WDFY4: variants seen among roughly 807,000 people sequenced by gnomAD.
WDFY4 encodes the protein WD repeat- and FYVE domain-containing protein 4.
Under a neutral mutation model 351.9 loss-of-function variants are expected in WDFY4, and 169 were observed. The observed-to-expected ratio is 0.48, with a 90% confidence interval of 0.42 to 0.55. WDFY4 has a LOEUF of 0.55. WDFY4 is among the 20% of genes least tolerant of loss of function. The probability of loss-of-function intolerance (pLI) is 0.00; values close to 1 mark genes in which losing one functional copy is unlikely to be tolerated. For synonymous variants in WDFY4, 1,622 were observed against 1,574.6 expected (o/e 1.03, Z -0.71); for missense variants, 3,803 against 3,935.6 (o/e 0.97, Z 0.90).
chr10:48,778,111 C>T (rs1484410057), intron 17 of WDFY4, among the ~76,000 whole-genome samples: 1 of 152,130 alleles, frequency 6.6e-6, no homozygotes, highest in African/African-American at 2.4e-5. Context: ...GAGCCACACG[C>T]TCTGTTAGGA....
chr10:48,857,883 C>A (rs1157572434), intron 39 of WDFY4, among the ~76,000 whole-genome samples: 3 of 152,020 alleles, frequency 2.0e-5, no homozygotes, highest in Non-Finnish European at 4.4e-5. Context: ...ACCTCCACTG[C>A]CAGGTACAAG....
intron 1 of WDFY4, among the ~76,000 whole-genome samples, chr10:48,689,564 T>C (rs150927080): frequency 7.4e-4 from 113 of 152,364 alleles, no homozygotes; most frequent in African/African-American, 2.5e-3. Context: ...TATTTTTATT[T>C]TTAAAATGTG....
In WDFY4 at chr10:48,709,826, C is replaced by T. The variant is rs2063723320; in HGVS notation, c.94C>T (p.Pro32Ser). The change falls in exon 2 of 62, where the codon CCA (proline) becomes TCA (serine). Residue 32 changes from proline to serine, a missense_variant. By Grantham distance (74) the Pro-to-Ser change is moderately conservative (BLOSUM62 -1). This residue lies in a region of WDFY4 where 488 missense variants were observed against 456.8 expected (regional missense o/e 1.07). Coordinates refer to ENST00000325239, the MANE Select transcript of WDFY4 (RefSeq NM_001394531.1). ...GQLAAVQPDVPHGGQSSSPTA... is the reference protein window; with the variant it reads ...GQLAAVQPDVSHGGQSSSPTA... The stretch of plus-strand genomic sequence containing the variant: ...GCTTGCTGCTGTGCAGCCTGATGTC[C>T]CACATGGAGGGCAGTCCTCCAGCCC... 3.2e-6 allele frequency: 5 copies of T among 1,551,750 alleles called. No individual in the cohort carries two copies. In the South Asian group the frequency reaches 5.9e-5, roughly 18 times the overall value.
intron 41 of WDFY4, among the ~76,000 whole-genome samples, chr10:48,874,431 A>AT (rs958931276): frequency 1.3e-5 from 2 of 152,106 alleles, no homozygotes; most frequent in Admixed American, 1.3e-4. Flanking sequence ...AGAATGCTGG[A>AT]TTTTTTTCTT....
chr10:48,877,236 AAGTT>A (rs745533654), intron 43 of WDFY4, 37 bp downstream of exon 43: 1 of 1,527,932 alleles, frequency 6.5e-7, no homozygotes. Flanking sequence ...TAAGATTTTT[AAGTT>A]AGTTGTTAAG....
intron 38 of WDFY4, among the ~76,000 whole-genome samples, chr10:48,831,793 T>A (rs2068197376): frequency 6.6e-6 from 1 of 152,258 alleles, no homozygotes; most frequent in South Asian, 2.1e-4. Flanking sequence ...ACCTTGTTGC[T>A]ATATCCTCTG....
At chr10:48,709,004 AACAC>A (rs1447320001) in intron 1 of WDFY4, among the ~76,000 whole-genome samples, 4 of 131,492 alleles carry the variant, frequency 3.0e-5, no homozygotes, top group Admixed American at 1.5e-4. Flanking sequence ...ACAAACAAAC[AACAC>A]CCCCCCCCCC....
Position 48,943,440 on chromosome 10 carries a change from C to T in WDFY4, c.7740C>T (p.Tyr2580=). The T allele has an allele frequency of 1.3e-6, 2 of 1,551,850 alleles. No individual in the cohort carries two copies. Among genetic ancestry groups the T allele is most frequent in the Non-Finnish European group, 8.7e-7 (1 of 1,146,982 alleles). ...YPVFPWVLAD[Y]TSETLNLANP... ...TGTTCCCCTGGGTCCTCGCAGACTA[C>T]ACCTCAGAGGTAAGTTCCTCACGTG... The change falls in exon 49 of 62, where the codon TAC becomes TAT. Residue 2580 remains tyrosine (Y), a synonymous_variant. Transcript: ENST00000325239.
intron 36 of WDFY4, among the ~76,000 whole-genome samples, chr10:48,828,559 A>G (rs184499001): frequency 6.6e-6 from 1 of 152,230 alleles, no homozygotes; most frequent in African/African-American, 2.4e-5. Flanking sequence ...AAGACTTCTC[A>G]TAAGGAGAAA....
chr10:48,910,051 G>A (rs1564472321), intron 47 of WDFY4: 1 of 574,442 alleles, frequency 1.7e-6, no homozygotes, highest in East Asian at 2.8e-5. Flanking sequence ...TTCACACACA[G>A]GTGGGCTAAA....
rs980488084 is a variant in WDFY4, at chr10:48,774,551, C to A, written c.2647C>A (p.Leu883Ile). The A allele has an allele frequency of 5.2e-6, 8 of 1,551,470 alleles. No homozygotes were observed. The highest frequency in any genetic ancestry group is 1.4e-5 in the African/African-American group (1 of 73,056). The change falls in exon 14 of 62, where the codon CTT becomes ATT. Residue 883 changes from leucine (L) to isoleucine (I), a missense_variant. Physicochemically the swap from Leu to Ile is conservative, Grantham distance 5. This residue lies in a region of WDFY4 where 3,054 missense variants were observed against 3,148.6 expected (regional missense o/e 0.97). Coordinates refer to ENST00000325239, the MANE Select transcript of WDFY4 (RefSeq NM_001394531.1). The stretch of plus-strand genomic sequence containing the variant: ...CCAGGTCATGTGCGAAGCAGGCTTG[C>A]TTGGGACCCTCATGGCCTCCTGCCA... ...NRQVMCEAGL[L>I]GTLMASCHRA...
At chr10:48,817,550 C>A in intron 32 of WDFY4, 141 bp downstream of exon 32, 1 of 1,083,064 alleles carries the variant, frequency 9.2e-7, no homozygotes, top group African/African-American at 1.6e-5. Flanking sequence ...GAATAAGCAG[C>A]TTGGATAACC....
At chr10:48,947,050 G>C in intron 51 of WDFY4, 81 bp downstream of exon 51, 5 of 1,181,320 alleles carry the variant, frequency 4.2e-6, no homozygotes, top group Non-Finnish European at 6.0e-6. Context: ...TAAGACCTGT[G>C]CTTGAACAAA....
intron 30 of WDFY4, among the ~76,000 whole-genome samples, chr10:48,812,031 C>A (rs1227971225): frequency 2.6e-5 from 4 of 152,184 alleles, no homozygotes; most frequent in African/African-American, 9.6e-5. Flanking sequence ...CCCAGCACCC[C>A]AGCCCCTCAT....
At chr10:48,811,743 T>G in intron 30 of WDFY4, 35 bp downstream of exon 30, 1 of 1,544,378 alleles carries the variant, frequency 6.5e-7, no homozygotes, top group Non-Finnish European at 8.8e-7. Context: ...GTGACACACT[T>G]GGTTTTCTGA....
intron 38 of WDFY4, among the ~76,000 whole-genome samples, chr10:48,831,819 GT>G (rs1361951087): frequency 6.6e-6 from 1 of 152,192 alleles, no homozygotes; most frequent in Non-Finnish European, 1.5e-5. Flanking sequence ...GAGAAATGCT[GT>G]GTCCTCCCAT....
At chr10:48,955,588 G>T (rs993002915) in intron 51 of WDFY4, among the ~76,000 whole-genome samples, 1 of 152,180 alleles carries the variant, frequency 6.6e-6, no homozygotes, top group Non-Finnish European at 1.5e-5. Context: ...CCCCAGTTCT[G>T]CCATTCACTG....
chr10:48,768,202 C>T lies in WDFY4; in HGVS notation c.2554-6256C>T, dbSNP rs189552378. On this transcript the variant is annotated intron_variant, in intron 13 of 61. Transcript: ENST00000325239. ...TCAGCTGTACCAGAAGTGGGTGAAT[C>T]TCCAAGCAGTTCTCAAGAGCAAGGT... 1.9e-3 allele frequency among the ~76,000 whole-genome samples: 293 copies of T among 152,284 alleles called. 1 individual carries two copies. Among genetic ancestry groups the T allele is most frequent in the African/African-American group, 6.7e-3 (278 of 41,562 alleles).
At chr10:48,805,458 C>T (rs1327366366) in intron 26 of WDFY4, 37 bp downstream of exon 26, 9 of 1,538,972 alleles carry the variant, frequency 5.8e-6, no homozygotes, top group East Asian at 2.5e-5. Context: ...AGAGCAGGGC[C>T]CCAGGGCTGT....
Sources: gnomAD v4.1 joint callset for allele counts (sites outside exome capture counted in the v4.1 genomes callset) on GRCh38, gnomAD v4.1.1 for gene constraint, gnomAD v4.1.1 regional missense constraint, MANE v1.5 for transcripts, NCBI Gene and HGNC (gene_info 2026-07-23, HGNC 2026-07-21) for gene names.